Variants in AKR1C4 observed in about 807,000 individuals in gnomAD.
AKR1C4 encodes the protein 3-alpha-HSD1.
In AKR1C4, 44 loss-of-function variants were observed where a neutral mutation model predicts 41.0. That is an observed-to-expected ratio of 1.07 (90% CI 0.84 to 1.38). The LOEUF (loss-of-function observed/expected upper bound fraction) is 1.38, where lower values mean the gene tolerates loss of function less well. AKR1C4 is among the 40% of genes most tolerant of loss of function. The pLI is 0.00. For missense variants in AKR1C4, 438 were observed against 387.9 expected (o/e 1.13, Z -1.09); for synonymous variants, 165 against 137.7 (o/e 1.20, Z -1.39).
chr10:5,207,024 G>A (rs537007552), intron 5 of AKR1C4: 5 of 153,590 alleles, frequency 3.3e-5, no homozygotes, highest in Admixed American at 1.3e-4. Context: ...CCCCTGCCTC[G>A]TGTAGAAAAG....
intron 1 of AKR1C4, among the ~76,000 whole-genome samples, chr10:5,198,567 C>T (rs1162580397): frequency 6.6e-6 from 1 of 152,108 alleles, no homozygotes; most frequent in Non-Finnish European, 1.5e-5. Context: ...GTCAACATTT[C>T]CCCTATGTTG....
chr10:5,198,153 G>T (rs1832339548), intron 1 of AKR1C4, among the ~76,000 whole-genome samples: 1 of 151,932 alleles, frequency 6.6e-6, no homozygotes, highest in Admixed American at 6.6e-5. Context: ...TATTTTTTAG[G>T]GATAAAGCGT....
chr10:5,202,939 T>TTGTGTGTGTG (rs57414547), intron 2 of AKR1C4, among the ~76,000 whole-genome samples: 1,958 of 139,194 alleles, frequency 0.014, 43 homozygotes, highest in African/African-American at 0.042. Context: ...TAGTTTTCTT[T>TTGTGTGTGTG]TGTGTGTGTG....
At chr10:5,212,816 A>G (rs1832598504) in intron 6 of AKR1C4, 91 bp downstream of exon 6, 3 of 1,453,376 alleles carry the variant, frequency 2.1e-6, no homozygotes, top group African/African-American at 1.4e-5. Context: ...TTCATTCTCA[A>G]TGGGTCAGGG....
chr10:5,206,507 T>C (rs1275146914), intron 5 of AKR1C4, 110 bp downstream of exon 5: 3 of 1,555,310 alleles, frequency 1.9e-6, no homozygotes, highest in South Asian at 1.2e-5. Flanking sequence ...CAGAAGATTC[T>C]AGAAAGCAAA....
Position 5,196,932 on chromosome 10 carries a change from G to A in AKR1C4, c.65G>A (p.Gly22Asp), listed in dbSNP as rs781904463. 1 of 1,613,980 alleles carries A rather than the reference G, an allele frequency of 6.2e-7. No homozygotes were observed. Among genetic ancestry groups the A allele is most frequent in the East Asian group, 2.2e-5 (1 of 44,882 alleles). The change falls in exon 1 of 9, where the codon GGC becomes GAC. Residue 22 changes from glycine to aspartate, a missense_variant. By Grantham distance (94) the Gly-to-Asp change is moderately conservative. Coordinates refer to ENST00000263126, the MANE Select transcript of AKR1C4 (RefSeq NM_001818.5). ...DGHFMPVLGF[G>D]TYAPPEVPRN... ...CACTTCATGCCCGTATTGGGATTTG[G>A]CACCTATGCACCTCCAGAGGTAATA...
chr10:5,215,784 C>A (rs1181505884), intron 7 of AKR1C4, among the ~76,000 whole-genome samples: 1 of 152,188 alleles, frequency 6.6e-6, no homozygotes, highest in African/African-American at 2.4e-5. Flanking sequence ...TATTTTTAAT[C>A]AGCATTTTGG....
intron 4 of AKR1C4, 100 bp from the exon 5 acceptor site, chr10:5,206,175 G>A: frequency 1.3e-6 from 2 of 1,560,944 alleles, no homozygotes; most frequent in Non-Finnish European, 1.7e-6. Flanking sequence ...TATTTTCATT[G>A]TCATATCTTA....
chr10:5,205,567 G>A (rs3750569), intron 3 of AKR1C4, among the ~76,000 whole-genome samples, 190 bp from the exon 4 acceptor site: 124,167 of 152,144 alleles, frequency 0.82, 50,754 homozygotes, highest in East Asian at 0.9. Flanking sequence ...ATGGAAGTAG[G>A]AGATTAAAGG....
chr10:5,210,569 T>A (rs1832557502), intron 5 of AKR1C4, among the ~76,000 whole-genome samples: 1 of 151,550 alleles, frequency 6.6e-6, no homozygotes, highest in Non-Finnish European at 1.5e-5. Flanking sequence ...ATACATCCTC[T>A]AAAATCTGAA....
rs559830307 is a variant in AKR1C4 at position 5,205,280 on chromosome 10, C to T, written c.370-477C>T. The stretch of plus-strand genomic sequence containing the variant: ...ATGGTGATTAACATAAAAGAACCTC[C>T]GTGGGTCTTACAACTTTCAAATTAA... On this transcript the variant is annotated intron_variant, in intron 3 of 8. Coordinates refer to ENST00000263126, the MANE Select transcript of AKR1C4 (RefSeq NM_001818.5). Among the ~76,000 whole-genome samples, 9 of 152,246 alleles carry T rather than the reference C, an allele frequency of 5.9e-5. No homozygotes were observed. The South Asian group carries it at 1.7e-3, about 28-fold the overall frequency.
At position 5,216,653 on chromosome 10, in the gene AKR1C4, C is replaced by G. The variant is rs1554798531; in HGVS notation, c.847-58C>G. The stretch of plus-strand genomic sequence containing the variant: ...ACACCCTACTGTGTGATATACTTGG[C>G]TATTCCAAGTTGACAATTATGCAAT... On this transcript the variant is annotated intron_variant, in intron 7 of 8. Transcript: ENST00000263126. 6.2e-6 allele frequency: 8 copies of G among 1,297,322 alleles called. No individual in the cohort carries two copies. In the South Asian group the frequency reaches 1.0e-4, roughly 16 times the overall value. The allele number at this position is 1,297,322 out of a possible 1,614,324, so 80.4% of individuals were successfully genotyped here.
intron 4 of AKR1C4, 78 bp from the exon 5 acceptor site, chr10:5,206,192 GTTGCT>G (rs1832481937): frequency 1.9e-6 from 3 of 1,591,244 alleles, no homozygotes; most frequent in African/African-American, 2.7e-5. Flanking sequence ...CTTAACAGTT[GTTGCT>G]TTAACAGTTC....
chr10:5,213,568 T>C (rs529136306), intron 7 of AKR1C4, among the ~76,000 whole-genome samples: 14 of 152,352 alleles, frequency 9.2e-5, no homozygotes, highest in Admixed American at 1.3e-4. Context: ...CCTGTTGAAA[T>C]CTTTGGGTAT....
chr10:5,218,174 G>T (rs965526422), intron 8 of AKR1C4, among the ~76,000 whole-genome samples: 3 of 152,094 alleles, frequency 2.0e-5, no homozygotes, highest in Admixed American at 2.0e-4. Context: ...TTAGCATATT[G>T]TAGGGTTTTG....
chr10:5,205,332 T>G (rs145067129), intron 3 of AKR1C4, among the ~76,000 whole-genome samples: 1 of 152,304 alleles, frequency 6.6e-6, no homozygotes, highest in African/African-American at 2.4e-5. Context: ...CATTTGAACA[T>G]GTTTAGTTTA....
chr10:5,197,942 T>C (rs1022976392), intron 1 of AKR1C4, among the ~76,000 whole-genome samples: 3 of 150,136 alleles, frequency 2.0e-5, no homozygotes, highest in Admixed American at 6.6e-5. Context: ...CAGGGGAAGG[T>C]AGTGCAACCT....
intron 6 of AKR1C4, 76 bp downstream of exon 6, chr10:5,212,801 T>C (rs1832598305): frequency 6.7e-7 from 1 of 1,491,730 alleles, no homozygotes. Context: ...CTCAGTCTCC[T>C]AGAGTTCATT....
At chr10:5,201,596 TTTTAG>T (rs1418752959) in intron 2 of AKR1C4, among the ~76,000 whole-genome samples, 1 of 152,124 alleles carries the variant, frequency 6.6e-6, no homozygotes. Context: ...TGCAGAATCT[TTTTAG>T]TTTAATTAGG....
Sources: gnomAD v4.1 joint callset for allele counts (sites outside exome capture counted in the v4.1 genomes callset) on GRCh38, gnomAD v4.1.1 for gene constraint, MANE v1.5 for transcripts, NCBI Gene and HGNC (gene_info 2026-07-23, HGNC 2026-07-21) for gene names.